CPVL: variants seen among roughly 807,000 people sequenced by gnomAD.
CPVL encodes probable serine carboxypeptidase CPVL.
In CPVL, 51 loss-of-function variants were observed where a neutral mutation model predicts 63.7. The observed-to-expected ratio is 0.80, with a 90% CI of 0.64 to 1.01. The LOEUF (loss-of-function observed/expected upper bound fraction) is 1.01, where lower values mean the gene tolerates loss of function less well. Ranked by LOEUF, CPVL falls within the 50% of genes least tolerant of loss-of-function variation. The probability of loss-of-function intolerance (pLI) is 0.00; values close to 1 mark genes in which losing one functional copy is unlikely to be tolerated. For missense variants in CPVL, 530 were observed against 573.1 expected (o/e 0.92, Z 0.77); for synonymous variants, 195 against 206.0 (o/e 0.95, Z 0.46).
intron 11 of CPVL, among the ~76,000 whole-genome samples, chr7:29,049,467 A>G (rs1463234985): frequency 3.3e-5 from 5 of 152,194 alleles, no homozygotes; most frequent in Admixed American, 2.0e-4. Context: ...TAAATCAGGA[A>G]GAATTAGATA....
upstream of CPVL, among the ~76,000 whole-genome samples, chr7:29,150,450 A>G (rs1269311008): frequency 6.6e-6 from 1 of 152,206 alleles, no homozygotes; most frequent in African/African-American, 2.4e-5. Context: ...TATCCAAGAC[A>G]ACTAAATTGT....
upstream of CPVL, chr7:29,146,941 A>G (rs781651510): frequency 1.7e-5 from 26 of 1,551,048 alleles, no homozygotes; most frequent in African/African-American, 2.7e-5. Flanking sequence ...CTGATGGTCT[A>G]CATTCCAGCT....
chr7:29,092,257 T>C (rs1375747271), intron 6 of CPVL, among the ~76,000 whole-genome samples: 2 of 151,616 alleles, frequency 1.3e-5, no homozygotes, highest in Non-Finnish European at 2.9e-5. Flanking sequence ...AGCTAAGTTT[T>C]CAGCCTGGAA....
chr7:29,176,002 C>T (rs559601592), intron 5 of CPVL, among the ~76,000 whole-genome samples: 13 of 151,972 alleles, frequency 8.6e-5, no homozygotes, highest in African/African-American at 1.2e-4. Flanking sequence ...CTGACTAACA[C>T]GGTGAAACCC....
chr7:29,083,943 T>C (rs540105120), intron 7 of CPVL, among the ~76,000 whole-genome samples: 1 of 152,164 alleles, frequency 6.6e-6, no homozygotes, highest in African/African-American at 2.4e-5. Context: ...TTTTTTTCTT[T>C]TTTCAAGACT....
At chr7:29,006,157 A>G (rs1417078975) in intron 12 of CPVL, among the ~76,000 whole-genome samples, 2 of 152,096 alleles carry the variant, frequency 1.3e-5, no homozygotes, top group African/African-American at 4.8e-5. Context: ...TTGCTGCCCA[A>G]CTCCATGTTT....
chr7:29,041,324 G>A (rs1462184134), intron 11 of CPVL, among the ~76,000 whole-genome samples: 4 of 151,832 alleles, frequency 2.6e-5, no homozygotes, highest in Non-Finnish European at 4.4e-5. Context: ...TGATCCACCC[G>A]CCTTGGCCTC....
At chr7:29,096,572 T>G (rs887904844) in intron 3 of CPVL, 1 of 282,036 alleles carries the variant, frequency 3.5e-6, no homozygotes, top group Non-Finnish European at 6.8e-6. Flanking sequence ...AACTAAAATT[T>G]GGGACTCTTC....
upstream of CPVL, among the ~76,000 whole-genome samples, chr7:29,149,638 C>T (rs1793309866): frequency 6.6e-6 from 1 of 152,154 alleles, no homozygotes; most frequent in Non-Finnish European, 1.5e-5. Context: ...TCTCATAGTT[C>T]TGGAGGCTAC....
chr7:29,089,229 T>G (rs1259770397), intron 6 of CPVL, among the ~76,000 whole-genome samples: 1 of 152,042 alleles, frequency 6.6e-6, no homozygotes, highest in Non-Finnish European at 1.5e-5. Flanking sequence ...AAATTATTCC[T>G]CAGATAAGTT....
chr7:29,100,535 C>G (rs1036819277), intron 3 of CPVL, among the ~76,000 whole-genome samples: 1 of 152,168 alleles, frequency 6.6e-6, no homozygotes, highest in Non-Finnish European at 1.5e-5. Context: ...CTTGGCCTTC[C>G]ATGTCCCTTC....
chr7:29,180,494 T>TGGGCGACAGAGCGACA, intron 5 of CPVL, among the ~76,000 whole-genome samples: 1 of 151,446 alleles, frequency 6.6e-6, no homozygotes, highest in Non-Finnish European at 1.5e-5. Context: ...GCCACTGCAC[T>TGGGCGACAGAGCGACA]GGGCGACAGA....
At position 29,066,113 on chromosome 7, in the gene CPVL, A is replaced by G; in HGVS notation, c.873T>C (p.Asp291=). The change falls in exon 10 of 13, where the codon GAT becomes GAC. Residue 291 remains aspartate, a synonymous_variant. Transcript: ENST00000265394. The part of the protein sequence containing the change: ...QNWFEAFEIL[D]KLLDGDLTSD... Reference sequence around the variant, plus strand: ...TTGTTAAGTCGCCATCTAGTAGTTTATCCAGTATCTAGGTTGGGAGAGAGG... The same window carrying G: ...TTGTTAAGTCGCCATCTAGTAGTTTGTCCAGTATCTAGGTTGGGAGAGAGG... 6.4e-7 allele frequency: 1 copy of G among 1,564,594 alleles called. No homozygotes were observed.
intron 5 of CPVL, among the ~76,000 whole-genome samples, chr7:29,153,476 C>T (rs1353180256): frequency 6.6e-6 from 1 of 152,184 alleles, no homozygotes; most frequent in Non-Finnish European, 1.5e-5. Flanking sequence ...TTCTTCTCCT[C>T]TTCAGCCTAT....
At chr7:29,099,960 C>T (rs323201) in intron 3 of CPVL, among the ~76,000 whole-genome samples, 80,429 of 151,898 alleles carry the variant, frequency 0.53, 23,747 homozygotes, top group African/African-American at 0.81. Context: ...CTGTAAACTC[C>T]AATGTGCTGA....
chr7:29,195,217 T>TA lies in CPVL; in HGVS notation c.-589dup, dbSNP rs1279190300. 12 of 461,688 alleles carry TA rather than the reference T, an allele frequency of 2.6e-5. 1 individual carries two copies. Among genetic ancestry groups the TA allele is most frequent in the Admixed American group, 4.4e-5 (1 of 22,550 alleles). 28.6% of individuals were successfully genotyped at this position (461,688 alleles called of 1,614,324 possible). A position where few individuals can be genotyped will look rare whatever the true frequency, so the allele number is the denominator to read the frequency against. On this transcript the variant is annotated 5_prime_UTR_variant, in exon 1 of 17. Coordinates refer to the CPVL transcript ENST00000409850. ...AGAGGTGGGAGAGCGGTGGTGCCCT[T>TA]AGTGTGCGGACGCGGGTGTTCCGGG...
At chr7:29,027,543 C>T (rs1481551584) in intron 12 of CPVL, among the ~76,000 whole-genome samples, 2 of 152,150 alleles carry the variant, frequency 1.3e-5, no homozygotes, top group African/African-American at 4.8e-5. Flanking sequence ...CAAACTGTTT[C>T]TCTTTGCAGC....
intron 12 of CPVL, among the ~76,000 whole-genome samples, chr7:29,017,963 A>G (rs1269225264): frequency 6.6e-6 from 1 of 152,236 alleles, no homozygotes; most frequent in Non-Finnish European, 1.5e-5. Flanking sequence ...TCCCTGGAAA[A>G]TGAGACCTAA....
Position 29,112,699 on chromosome 7 carries a change from C to G in CPVL, c.288+5G>C. 13 of 1,600,768 alleles carry G rather than the reference C, an allele frequency of 8.1e-6. No individual in the cohort carries two copies. Among genetic ancestry groups the G allele is most frequent in the Non-Finnish European group, 1.1e-5 (13 of 1,168,654 alleles). On this transcript the variant is annotated splice_donor_5th_base_variant and intron_variant, in intron 3 of 12. Transcript: ENST00000265394. ...ACACTGGTGTTCTTTCTGTTGGGCA[C>G]CTACCTGAGCTGGGAAGAACCAGAA...
Sources: gnomAD v4.1 joint callset for allele counts (sites outside exome capture counted in the v4.1 genomes callset) on GRCh38, gnomAD v4.1.1 for gene constraint, MANE v1.5 for transcripts, NCBI Gene and HGNC (gene_info 2026-07-23, HGNC 2026-07-21) for gene names.